ZNF69: variants seen among roughly 807,000 people sequenced by gnomAD.
The protein encoded by ZNF69 is zinc finger protein 69, also known as ZNF3.
Under a neutral mutation model 50.9 loss-of-function variants are expected in ZNF69, and 47 were observed. That is an observed-to-expected ratio of 0.92 (90% CI 0.73 to 1.18). The LOEUF is 1.18. ZNF69 is among the 50% of genes most tolerant of loss of function. The pLI is 0.00. For missense variants in ZNF69, 717 were observed against 675.1 expected (o/e 1.06, Z -0.69); for synonymous variants, 216 against 223.1 (o/e 0.97, Z 0.29).
downstream of ZNF69, among the ~76,000 whole-genome samples, chr19:11,915,063 G>T (rs747109556): frequency 8.5e-5 from 13 of 152,254 alleles, no homozygotes; most frequent in Non-Finnish European, 1.6e-4. Context: ...AACTAGCTGG[G>T]CATCGTGGTG....
At chr19:11,970,470 A>G in the ZNF69 span, among the ~76,000 whole-genome samples, 1 of 152,382 alleles carries the variant, frequency 6.6e-6, no homozygotes, top group South Asian at 2.1e-4. Context: ...ACATATAAAT[A>G]AAAGAATTCA....
chr19:11,959,749 T>A, the ZNF69 span, among the ~76,000 whole-genome samples: 2 of 152,224 alleles, frequency 1.3e-5, no homozygotes, highest in African/African-American at 4.8e-5. Context: ...TTGTAGATTA[T>A]GGATAAATTC....
At chr19:11,934,947 A>G in the ZNF69 span, among the ~76,000 whole-genome samples, 6 of 147,294 alleles carry the variant, frequency 4.1e-5, no homozygotes, top group East Asian at 6.1e-4. Context: ...TTGGGAGGCC[A>G]AGGCGGGTGG....
the ZNF69 span, among the ~76,000 whole-genome samples, chr19:11,927,842 A>G: frequency 6.6e-6 from 1 of 152,192 alleles, no homozygotes; most frequent in Non-Finnish European, 1.5e-5. Flanking sequence ...TGTGACTGAC[A>G]AGGAGTGTTT....
the ZNF69 span, among the ~76,000 whole-genome samples, chr19:11,971,421 A>AT: frequency 3.9e-5 from 6 of 152,122 alleles, no homozygotes; most frequent in Non-Finnish European, 7.4e-5. Flanking sequence ...TTAATGTGTG[A>AT]TTTTTTTAGA....
chr19:11,951,514 C>T, the ZNF69 span, among the ~76,000 whole-genome samples: 1 of 152,210 alleles, frequency 6.6e-6, no homozygotes, highest in African/African-American at 2.4e-5. Context: ...CAGACATGAG[C>T]CACTGGGCCC....
rs1036749203 is a variant in ZNF69, at chr19:11,905,362, A to C, written c.965A>C (p.His322Pro). Reference protein sequence around the residue: ...AFTCPQYVRIHERTHSRKKPY... With the variant: ...AFTCPQYVRIPERTHSRKKPY... ...ACGTGTCCCCAGTATGTTCGTATAC[A>C]TGAAAGGACCCACTCTAGGAAAAAA... Residue 322 changes from histidine to proline, a missense_variant, in exon 4 of 4, where the codon CAT becomes CCT. Coordinates refer to ENST00000429654, the MANE Select transcript of ZNF69 (RefSeq NM_001364730.1). 1 of 1,614,198 alleles carries C rather than the reference A, an allele frequency of 6.2e-7. No individual in the cohort carries two copies. The highest frequency in any genetic ancestry group is 1.1e-5 in the South Asian group (1 of 91,090).
At chr19:11,958,557 T>A in the ZNF69 span, among the ~76,000 whole-genome samples, 6 of 152,148 alleles carry the variant, frequency 3.9e-5, no homozygotes, top group African/African-American at 1.4e-4. Flanking sequence ...TGGTGGGCAT[T>A]GAGACCCCGG....
At chr19:11,894,576 C>T (rs544297674) in intron 1 of ZNF69, among the ~76,000 whole-genome samples, 44 of 152,314 alleles carry the variant, frequency 2.9e-4, no homozygotes, top group African/African-American at 9.6e-4. Context: ...AATATTCCCA[C>T]AGCTGCCATG....
intron 1 of ZNF69, among the ~76,000 whole-genome samples, chr19:11,891,905 G>A (rs1977098158): frequency 6.6e-6 from 1 of 152,138 alleles, no homozygotes; most frequent in African/African-American, 2.4e-5. Flanking sequence ...CCTAACACTT[G>A]TATAGGGAAA....
At chr19:11,965,217 T>A in the ZNF69 span, 3 of 1,614,040 alleles carry the variant, frequency 1.9e-6, no homozygotes, top group Non-Finnish European at 2.5e-6. Flanking sequence ...AAATGGTGCG[T>A]GTGCATAGCC....
chr19:11,917,811 A>T (rs1452243971), downstream of ZNF69, among the ~76,000 whole-genome samples: 3 of 63,378 alleles, frequency 4.7e-5, no homozygotes, highest in Non-Finnish European at 8.9e-5. Context: ...TTTTTTTGAG[A>T]CAGTCTTGCT....
chr19:11,965,061 C>G, the ZNF69 span: 1 of 998,308 alleles, frequency 1.0e-6, no homozygotes, highest in Admixed American at 2.0e-5. Flanking sequence ...TTTGTCCTTG[C>G]GCAGCCGGTG....
At chr19:11,979,120 T>A in the ZNF69 span, 1 of 1,613,526 alleles carries the variant, frequency 6.2e-7, no homozygotes, top group Non-Finnish European at 8.5e-7. Context: ...ATGTTAGATA[T>A]GTGGGAAAGG....
the ZNF69 span, among the ~76,000 whole-genome samples, chr19:11,924,515 T>C: frequency 2.0e-5 from 3 of 151,750 alleles, no homozygotes; most frequent in African/African-American, 7.3e-5. Context: ...TTTGGTGGCG[T>C]CACCTGGATA....
chr19:11,934,386 A>G, the ZNF69 span, among the ~76,000 whole-genome samples: 1 of 148,266 alleles, frequency 6.7e-6, no homozygotes, highest in Admixed American at 6.6e-5. Context: ...AATTGGCTGT[A>G]GAATTTTCCA....
the ZNF69 span, among the ~76,000 whole-genome samples, chr19:11,945,977 G>C: frequency 6.6e-6 from 1 of 152,078 alleles, no homozygotes; most frequent in South Asian, 2.1e-4. Context: ...TTGGATAAGG[G>C]GGTGACCGGG....
the ZNF69 span, among the ~76,000 whole-genome samples, chr19:11,932,665 T>TA: frequency 4.5e-4 from 61 of 136,174 alleles, 1 homozygote; most frequent in South Asian, 8.6e-3. Flanking sequence ...TGAGACAGAG[T>TA]CTTGCCCTGT....
At chr19:11,972,846 C>G in the ZNF69 span, among the ~76,000 whole-genome samples, 1 of 151,762 alleles carries the variant, frequency 6.6e-6, no homozygotes, top group Non-Finnish European at 1.5e-5. Context: ...AATCCTACCA[C>G]TTAGGGAGGC....
Sources: gnomAD v4.1 joint callset for allele counts (sites outside exome capture counted in the v4.1 genomes callset) on GRCh38, gnomAD v4.1.1 for gene constraint, MANE v1.5 for transcripts, NCBI Gene and HGNC (gene_info 2026-07-23, HGNC 2026-07-21) for gene names.